Variants in NIPBL observed in about 807,000 individuals in gnomAD.
NIPBL encodes the protein nipped-B-like protein.
In NIPBL, 19 loss-of-function variants were observed where a neutral mutation model predicts 321.8. The ratio of observed to expected loss-of-function variants is 0.06; its 90% CI spans 0.04 to 0.09. The LOEUF (loss-of-function observed/expected upper bound fraction) is 0.09, where lower values mean the gene tolerates loss of function less well. Ranked by LOEUF, NIPBL falls within the 10% of genes least tolerant of loss-of-function variation. The probability of loss-of-function intolerance (pLI) is 1.00; values close to 1 mark genes in which losing one functional copy is unlikely to be tolerated. For synonymous variants in NIPBL, 1,106 were observed against 1,114.1 expected, an observed-to-expected ratio of 0.99 and a Z score of 0.14; for missense variants, 2,210 against 3,327.0, an observed-to-expected ratio of 0.66 and a Z score of 8.26.
intron 42 of NIPBL, among the ~76,000 whole-genome samples, chr5:37,053,508 A>G (rs1753780792): frequency 6.6e-6 from 1 of 152,194 alleles, no homozygotes; most frequent in Admixed American, 6.5e-5. Flanking sequence ...AACAATTAAA[A>G]CAATATACTG....
chr5:36,938,759 T>G (rs1738740615), intron 1 of NIPBL, among the ~76,000 whole-genome samples: 1 of 152,162 alleles, frequency 6.6e-6, no homozygotes, highest in Non-Finnish European at 1.5e-5. Flanking sequence ...ACCCAGCTTC[T>G]CACAATAATA....
chr5:36,889,973 C>G (rs942451720), intron 1 of NIPBL, among the ~76,000 whole-genome samples: 1 of 149,642 alleles, frequency 6.7e-6, no homozygotes, highest in African/African-American at 2.5e-5. Flanking sequence ...TTATGTTTTT[C>G]CTACTAAGTT....
chr5:37,039,819 A>G (rs1752129236), intron 34 of NIPBL, among the ~76,000 whole-genome samples: 1 of 152,116 alleles, frequency 6.6e-6, no homozygotes, highest in South Asian at 2.1e-4. Flanking sequence ...AGTAAAGGAT[A>G]ATAAATACCT....
At chr5:37,046,957 A>G (rs1753043302) in intron 38 of NIPBL, among the ~76,000 whole-genome samples, 2 of 152,144 alleles carry the variant, frequency 1.3e-5, no homozygotes, top group Non-Finnish European at 2.9e-5. Context: ...GGATTTAACC[A>G]CCAAGGATCA....
chr5:37,062,809 G>A (rs1754892766), intron 45 of NIPBL, among the ~76,000 whole-genome samples: 1 of 152,058 alleles, frequency 6.6e-6, no homozygotes, highest in Admixed American at 6.6e-5. Context: ...AGTCCCAACT[G>A]CTGGGGAGGC....
chr5:37,043,420 C>T (rs899784937), intron 34 of NIPBL, among the ~76,000 whole-genome samples: 4 of 151,418 alleles, frequency 2.6e-5, no homozygotes, highest in East Asian at 1.9e-4. Context: ...CCCAGCTACT[C>T]GGGTGGCTGA....
At chr5:37,023,745 T>C (rs1389873510) in intron 29 of NIPBL, among the ~76,000 whole-genome samples, 2 of 150,052 alleles carry the variant, frequency 1.3e-5, no homozygotes, top group Non-Finnish European at 3.0e-5. Flanking sequence ...GACTATTTTC[T>C]TATTCTTTTT....
chr5:37,027,993 T>G (rs1750504949), intron 32 of NIPBL, among the ~76,000 whole-genome samples: 1 of 152,112 alleles, frequency 6.6e-6, no homozygotes, highest in African/African-American at 2.4e-5. Context: ...TCCAGATAAT[T>G]TTTTTTCTTT....
chr5:37,043,024 T>A (rs977482838), intron 34 of NIPBL, among the ~76,000 whole-genome samples: 20 of 152,082 alleles, frequency 1.3e-4, no homozygotes, highest in East Asian at 3.9e-4. Flanking sequence ...TGGTTTTTTT[T>A]AAAAAGTCTC....
Position 36,902,940 on chromosome 5 carries a change from T to C in NIPBL, c.-80+25762T>C, listed in dbSNP as rs563764239. ...CACCTGTTTTTGTAAACTCTGATTT[T>C]TTTTTAGCAGTGTTTTCTAATTCTC... is the stretch of plus-strand genomic sequence containing the variant. On this transcript the variant is annotated intron_variant, in intron 1 of 46. Coordinates refer to ENST00000282516, the MANE Select transcript of NIPBL (RefSeq NM_133433.4). 2.0e-5 allele frequency among the ~76,000 whole-genome samples: 3 copies of C among 152,332 alleles called. No individual in the cohort carries two copies. In the South Asian group the frequency reaches 6.2e-4, roughly 32 times the overall value.
At chr5:36,970,411 C>CTATATATATATATATA (rs34663125) in intron 6 of NIPBL, among the ~76,000 whole-genome samples, 2 of 143,586 alleles carry the variant, frequency 1.4e-5, no homozygotes, top group Non-Finnish European at 3.1e-5. Context: ...GAATTTAAAA[C>CTATATATATATATATA]TATATATATA....
intron 37 of NIPBL, among the ~76,000 whole-genome samples, chr5:37,045,890 T>C (rs1276906774): frequency 1.3e-5 from 2 of 152,192 alleles, no homozygotes; most frequent in Non-Finnish European, 2.9e-5. Context: ...TTTTTTTCAA[T>C]GAAGGAAACA....
intron 40 of NIPBL, among the ~76,000 whole-genome samples, chr5:37,050,479 CAA>C (rs370627067): frequency 3.4e-4 from 28 of 82,156 alleles, no homozygotes; most frequent in Admixed American, 5.1e-4. Context: ...GACTCCATCT[CAA>C]AAAAAAAAAA....
chr5:36,990,491 G>A (rs1301581769), intron 10 of NIPBL, among the ~76,000 whole-genome samples: 2 of 152,156 alleles, frequency 1.3e-5, no homozygotes, highest in Non-Finnish European at 2.9e-5. Flanking sequence ...AATATTTAAT[G>A]ATGCAGTGGA....
At chr5:36,941,266 A>G (rs2149583594) in intron 1 of NIPBL, among the ~76,000 whole-genome samples, 1 of 152,252 alleles carries the variant, frequency 6.6e-6, no homozygotes, top group East Asian at 1.9e-4. Flanking sequence ...TTTTGTGTTT[A>G]TATGTCATAA....
intron 1 of NIPBL, among the ~76,000 whole-genome samples, chr5:36,915,583 A>G (rs1420992232): frequency 6.6e-6 from 1 of 152,192 alleles, no homozygotes; most frequent in Non-Finnish European, 1.5e-5. Context: ...CGCCAAAGCT[A>G]TATCATAACT....
intron 1 of NIPBL, among the ~76,000 whole-genome samples, chr5:36,903,895 A>T (rs1253845617): frequency 6.6e-6 from 1 of 152,194 alleles, no homozygotes. Flanking sequence ...TCAGTGAAAG[A>T]TGTGATCATA....
rs927548123 is a variant in NIPBL at position 36,981,540 on chromosome 5, C to T, written c.1496-3136C>T. Reference sequence around the variant, plus strand: ...TATAATATTCCAAAAGGACCCTTTTCTCAATCTTTTTGCTCATACTTTTAG... The same window carrying T: ...TATAATATTCCAAAAGGACCCTTTTTTCAATCTTTTTGCTCATACTTTTAG... On this transcript the variant is annotated intron_variant, in intron 9 of 46. Transcript: ENST00000282516. 4.0e-5 allele frequency among the ~76,000 whole-genome samples: 6 copies of T among 151,660 alleles called. No homozygotes were observed. In the East Asian group the frequency reaches 1.2e-3, roughly 29 times the overall value.
chr5:36,883,182 C>G (rs1745634179), intron 1 of NIPBL, among the ~76,000 whole-genome samples: 1 of 151,660 alleles, frequency 6.6e-6, no homozygotes, highest in African/African-American at 2.4e-5. Context: ...TAAAAAAATT[C>G]CCAAGAATGC....
Sources: gnomAD v4.1 joint callset for allele counts (sites outside exome capture counted in the v4.1 genomes callset) on GRCh38, gnomAD v4.1.1 for gene constraint, MANE v1.5 for transcripts, NCBI Gene and HGNC (gene_info 2026-07-23, HGNC 2026-07-21) for gene names.